The following LTBP2 variants were observed in gnomAD, a reference collection of about 807,000 sequenced individuals.
LTBP2 encodes the protein latent-transforming growth factor beta-binding protein 2.
A neutral mutation model predicts 210.6 loss-of-function variants in LTBP2; 103 were observed. The observed-to-expected ratio is 0.49, with a 90% CI of 0.42 to 0.58. The LOEUF is 0.58. Ranked by LOEUF, LTBP2 falls within the 20% of genes least tolerant of loss-of-function variation. The pLI, the probability that LTBP2 is intolerant of heterozygous loss-of-function variation, is 0.00. For synonymous variants in LTBP2, 1,007 were observed against 1,015.0 expected (o/e 0.99, Z 0.15); for missense variants, 2,313 against 2,494.5 (o/e 0.93, Z 1.55).
At chr14:74,521,023 T>C (rs1050100523) in intron 17 of LTBP2, among the ~76,000 whole-genome samples, 1 of 152,216 alleles carries the variant, frequency 6.6e-6, no homozygotes, top group African/African-American at 2.4e-5. Context: ...CCCGTGATTC[T>C]CCCGCTCCTC....
chr14:74,540,874 TATAA>T lies in LTBP2; in HGVS notation c.1790-4878_1790-4875del, dbSNP rs201784188. 1.9e-3 allele frequency among the ~76,000 whole-genome samples: 198 copies of T among 102,714 alleles called. 1 individual carries two copies. The highest frequency in any genetic ancestry group is 0.017 in the Middle Eastern group (4 of 234). The allele number at this position is 102,714 out of a possible 152,430, so 67.4% of individuals were successfully genotyped here. On this transcript the variant is annotated intron_variant, in intron 8 of 35. Transcript: ENST00000261978. ...TATATATATTATATATATTTATATA[TATAA>T]TATATATATTATATATTAAAAATAT...
intron 2 of LTBP2, among the ~76,000 whole-genome samples, chr14:74,587,624 C>T (rs1361779040): frequency 2.6e-5 from 4 of 151,746 alleles, no homozygotes; most frequent in South Asian, 2.1e-4. Context: ...GGTCTGGTGG[C>T]GGAGGAGGTG....
intron 3 of LTBP2, among the ~76,000 whole-genome samples, chr14:74,580,827 T>G (rs1475836160): frequency 6.6e-6 from 1 of 152,036 alleles, no homozygotes; most frequent in Admixed American, 6.6e-5. Context: ...GGTATGGTGG[T>G]GCACACCTGT....
intron 3 of LTBP2, among the ~76,000 whole-genome samples, chr14:74,566,544 G>T (rs945190267): frequency 2.0e-5 from 3 of 152,162 alleles, no homozygotes; most frequent in African/African-American, 4.8e-5. Context: ...GCAGAGCTCT[G>T]CTCCTTTCTC....
At chr14:74,571,329 A>G (rs1398838784) in intron 3 of LTBP2, among the ~76,000 whole-genome samples, 2 of 152,172 alleles carry the variant, frequency 1.3e-5, no homozygotes. Flanking sequence ...GCGAGACTCC[A>G]TCCTCCTCCC....
chr14:74,507,900 G>A, intron 25 of LTBP2, 73 bp downstream of exon 25: 1 of 1,601,332 alleles, frequency 6.2e-7, no homozygotes. Context: ...TGCTCCATGG[G>A]AGCTAAGGAC....
At chr14:74,505,873 G>A (rs1385827843) in intron 28 of LTBP2, among the ~76,000 whole-genome samples, 175 bp downstream of exon 28, 5 of 152,070 alleles carry the variant, frequency 3.3e-5, no homozygotes, top group South Asian at 2.1e-4. Context: ...TGCTGCGCGC[G>A]GCCCTCAGCC....
At position 74,555,543 on chromosome 14, in the gene LTBP2, G is replaced by A; in HGVS notation, c.981C>T (p.Thr327=). Residue 327 remains threonine (T), a synonymous_variant, in exon 4 of 36, where the codon ACC becomes ACT. Coordinates refer to ENST00000261978, the MANE Select transcript of LTBP2 (RefSeq NM_000428.3). ...PGPGLEQRDG[T]QQAVPLEHPS... is the part of the protein sequence containing the mutation. ...GGTGCTCCAGAGGTACCGCCTGTTG[G>A]GTGCCATCTCTCTGCTCAAGGCCTG... 1.2e-6 allele frequency: 2 copies of A among 1,613,316 alleles called. No individual in the cohort carries two copies. Among genetic ancestry groups the A allele is most frequent in the Non-Finnish European group, 1.7e-6 (2 of 1,179,578 alleles).
Position 74,551,107 on chromosome 14 carries a change from C to T in LTBP2, c.1643G>A (p.Arg548Gln), listed in dbSNP as rs372591299. The T allele has an allele frequency of 6.8e-6, 11 of 1,613,720 alleles. No individual in the cohort carries two copies. In the East Asian group the frequency reaches 8.9e-5, roughly 13 times the overall value. Residue 548 changes from arginine to glutamine, a missense_variant, in exon 7 of 36, where the codon CGA (arginine) becomes CAA (glutamine). By Grantham distance (43) the Arg-to-Gln change is conservative (BLOSUM62 1). Around this residue, in one of 3 missense-constraint regions of LTBP2, gnomAD observed 1,867 missense variants for 1,976.9 expected, o/e 0.94. Coordinates refer to ENST00000261978, the MANE Select transcript of LTBP2 (RefSeq NM_000428.3). ...CAGGTAACACCGGCCCAGCAGTCCT[C>T]GAGGCCTGGGTGCTGCTGGGGGCAG... ...RPLPPAAPRPRGLLGRCYLNT... is the reference protein window; with the variant it reads ...RPLPPAAPRPQGLLGRCYLNT...
intron 8 of LTBP2, among the ~76,000 whole-genome samples, chr14:74,549,398 C>T (rs574716645): frequency 2.4e-4 from 36 of 152,334 alleles, no homozygotes; most frequent in African/African-American, 8.2e-4. Flanking sequence ...TCCCATACCC[C>T]AAGGATGAGG....
intron 18 of LTBP2, among the ~76,000 whole-genome samples, chr14:74,512,675 C>T (rs544299859): frequency 1.3e-5 from 2 of 152,320 alleles, no homozygotes; most frequent in East Asian, 1.9e-4. Flanking sequence ...ACGGGGACAT[C>T]GCCACAGGGC....
Position 74,586,596 on chromosome 14 carries a change from C to T in LTBP2, c.566-478G>A, listed in dbSNP as rs149828718. ...GCCCAACACTGGCCTGAAATTCAAGCGGTTTGAGTTGCTGGGGTTTTCCTG... is the reference window on the plus strand; with the variant it reads ...GCCCAACACTGGCCTGAAATTCAAGTGGTTTGAGTTGCTGGGGTTTTCCTG... On this transcript the variant is annotated intron_variant, in intron 2 of 35. Transcript: ENST00000261978. The surrounding 1 kb of genome is among the most constrained non-coding windows in gnomAD (Gnocchi z 4.6). Among the ~76,000 whole-genome samples the T allele has an allele frequency of 6.6e-5, 10 of 152,258 alleles. No individual in the cohort carries two copies. Among genetic ancestry groups the T allele is most frequent in the Non-Finnish European group, 7.4e-5 (5 of 68,022 alleles).
At position 74,552,602 on chromosome 14, in the gene LTBP2, T is replaced by C. The variant is rs57856253; in HGVS notation, c.1193-209A>G. On this transcript the variant is annotated intron_variant, in intron 5 of 35. Transcript: ENST00000261978. ...AACCAGCCCCTGCCTTCCTGAAAAG[T>C]CTATTTAGGCGTTTCCCTGCACCCC... Among the ~76,000 whole-genome samples the C allele has an allele frequency of 0.063, 9,531 of 152,102 alleles. 974 individuals are homozygous for C. The highest frequency in any genetic ancestry group is 0.22 in the African/African-American group (8,911 of 41,442).
intron 2 of LTBP2, among the ~76,000 whole-genome samples, chr14:74,596,279 G>A (rs2088362616): frequency 7.4e-6 from 1 of 134,652 alleles, no homozygotes; most frequent in Non-Finnish European, 1.6e-5. Flanking sequence ...TAAAAACAAA[G>A]AAGTGGAGCA....
intron 2 of LTBP2, among the ~76,000 whole-genome samples, chr14:74,600,044 G>A (rs1336937450): frequency 6.6e-6 from 1 of 152,250 alleles, no homozygotes. Flanking sequence ...GTTGGGAGGG[G>A]AGAGGGAGGT....
At chr14:74,512,803 T>G (rs2087088643) in intron 18 of LTBP2, among the ~76,000 whole-genome samples, 1 of 152,226 alleles carries the variant, frequency 6.6e-6, no homozygotes, top group Non-Finnish European at 1.5e-5. Flanking sequence ...ACTTGAGTTG[T>G]GGTGACACCA....
At chr14:74,593,276 C>A (rs1358749298) in intron 2 of LTBP2, among the ~76,000 whole-genome samples, 1 of 152,180 alleles carries the variant, frequency 6.6e-6, no homozygotes. Flanking sequence ...CCACCCCATG[C>A]AGGCTGCTCC....
At position 74,586,004 on chromosome 14, in the gene LTBP2, A is replaced by C. The variant is rs1383219665; in HGVS notation, c.680T>G (p.Phe227Cys). ...RCEEVIPDEE[F>C]DPQNSRLAPR... The stretch of plus-strand genomic sequence containing the variant: ...TGCCAGCCTGGAGTTCTGGGGGTCA[A>C]ATTCCTCATCGGGAATGACCTCCTC... Residue 227 changes from phenylalanine to cysteine, a missense_variant, in exon 3 of 36, where the codon TTT (phenylalanine) becomes TGT (cysteine). By Grantham distance (205) the Phe-to-Cys change is radical. This residue lies in a region of LTBP2 where 1,867 missense variants were observed against 1,976.9 expected (regional missense o/e 0.94). Coordinates refer to ENST00000261978, the MANE Select transcript of LTBP2 (RefSeq NM_000428.3). This position sits in a 1 kb window ranked among gnomAD's most constrained non-coding sequence, Gnocchi z 4.6. 1 of 1,610,516 alleles carries C rather than the reference A, an allele frequency of 6.2e-7. No individual in the cohort carries two copies. Among genetic ancestry groups the C allele is most frequent in the Non-Finnish European group, 8.5e-7 (1 of 1,178,562 alleles).
intron 3 of LTBP2, chr14:74,559,958 A>G (rs1373177252): frequency 1.3e-5 from 2 of 152,204 alleles, no homozygotes; most frequent in Non-Finnish European, 2.9e-5. Flanking sequence ...CTGCAATTTC[A>G]TCAAAGGACA....
Sources: gnomAD v4.1 joint callset for allele counts (sites outside exome capture counted in the v4.1 genomes callset) on GRCh38, gnomAD v4.1.1 for gene constraint, gnomAD v4.1.1 regional missense constraint, Gnocchi (gnomAD v3.1) non-coding constraint, MANE v1.5 for transcripts, NCBI Gene and HGNC (gene_info 2026-07-23, HGNC 2026-07-21) for gene names.